Variants in TMEM123 observed in about 807,000 individuals in gnomAD.
TMEM123 encodes the protein porimin.
A neutral mutation model predicts 19.7 loss-of-function variants in TMEM123; 16 were observed. The ratio of observed to expected loss-of-function variants is 0.81; its 90% CI spans 0.55 to 1.23. The LOEUF is 1.23. Ranked by LOEUF, TMEM123 falls within the 50% of genes most tolerant of loss-of-function variation. The pLI, the probability that TMEM123 is intolerant of heterozygous loss-of-function variation, is 0.00. For synonymous variants in TMEM123, 118 were observed against 99.4 expected (o/e 1.19, Z -1.12); for missense variants, 313 against 257.8 (o/e 1.21, Z -1.47).
Position 102,401,858 on chromosome 11 carries a change from A to G in TMEM123, c.448+58T>C, listed in dbSNP as rs1441916008. 7 of 1,571,270 alleles carry G rather than the reference A, an allele frequency of 4.5e-6. No homozygotes were observed. The East Asian group carries it at 1.6e-4, about 35-fold the overall frequency. ...TTTTTGCCAGACAGAATAATGACTT[A>G]AATGTGGCATTTAACTACTTGCAGC... is the stretch of plus-strand genomic sequence containing the variant. On this transcript the variant is annotated intron_variant, in intron 3 of 4. Coordinates refer to ENST00000398136, the MANE Select transcript of TMEM123 (RefSeq NM_052932.3).
intron 1 of TMEM123, among the ~76,000 whole-genome samples, chr11:102,450,946 T>A (rs1857932307): frequency 6.6e-6 from 1 of 152,246 alleles, no homozygotes; most frequent in Non-Finnish European, 1.5e-5. Flanking sequence ...ACTAGCTTTT[T>A]TGAGAAATCT....
intron 2 of TMEM123, among the ~76,000 whole-genome samples, chr11:102,422,044 T>C (rs555460924): frequency 1.3e-5 from 2 of 152,364 alleles, no homozygotes; most frequent in Admixed American, 1.3e-4. Context: ...AAAATCTACC[T>C]GAATTCTAGA....
At chr11:102,425,284 T>TGA (rs773140543) in intron 2 of TMEM123, among the ~76,000 whole-genome samples, 20 of 152,202 alleles carry the variant, frequency 1.3e-4, no homozygotes, top group Non-Finnish European at 2.4e-4. Context: ...TGAAACACCT[T>TGA]GAACAACAAC....
intron 2 of TMEM123, among the ~76,000 whole-genome samples, chr11:102,413,467 G>C (rs1952020891): frequency 6.6e-6 from 1 of 152,178 alleles, no homozygotes; most frequent in African/African-American, 2.4e-5. Flanking sequence ...AAGTGCTTTT[G>C]CTGGCACCCC....
In TMEM123 at chr11:102,401,618, AT is replaced by A; in HGVS notation, c.522del (p.Leu175Ter). The A allele has an allele frequency of 1.2e-6, 2 of 1,608,746 alleles. No homozygotes were observed. The highest frequency in any genetic ancestry group is 1.7e-6 in the Non-Finnish European group (2 of 1,178,756). ...FDTGSFVGGI[V>X]LTLGVLSILY... ...AGAATAGATAAAACTCCCAGCGTTA[AT>A]ACAATACCACCAACAAAGCTCCCAG... On this transcript the variant is annotated frameshift_variant, in exon 4 of 5. Transcript: ENST00000398136. LOFTEE classifies it high-confidence loss of function.
chr11:102,437,036 G>C (rs1055146625), intron 2 of TMEM123, among the ~76,000 whole-genome samples: 2 of 152,028 alleles, frequency 1.3e-5, no homozygotes, highest in Non-Finnish European at 2.9e-5. Context: ...TTCTTGAAAA[G>C]GAAAAAAACC....
At chr11:102,410,170 T>C (rs1245770942) in intron 2 of TMEM123, among the ~76,000 whole-genome samples, 1 of 151,896 alleles carries the variant, frequency 6.6e-6, no homozygotes, top group Non-Finnish European at 1.5e-5. Context: ...AGGATGTTTG[T>C]TTCCTCTGGC....
intron 2 of TMEM123, among the ~76,000 whole-genome samples, chr11:102,445,347 CTA>C (rs1268628266): frequency 2.6e-5 from 4 of 152,164 alleles, no homozygotes; most frequent in Non-Finnish European, 5.9e-5. Flanking sequence ...CTCTGTGTAT[CTA>C]TCACTGTTTG....
intron 2 of TMEM123, among the ~76,000 whole-genome samples, chr11:102,431,162 G>T (rs1376368040): frequency 6.6e-6 from 1 of 151,840 alleles, no homozygotes; most frequent in Non-Finnish European, 1.5e-5. Flanking sequence ...AATAGTCGGT[G>T]GGATACTTAA....
chr11:102,411,298 G>A (rs751015465), intron 2 of TMEM123, among the ~76,000 whole-genome samples: 17 of 152,118 alleles, frequency 1.1e-4, no homozygotes, highest in Non-Finnish European at 1.6e-4. Flanking sequence ...GTGCTGAGAC[G>A]GCGGTGTTCC....
intron 2 of TMEM123, among the ~76,000 whole-genome samples, chr11:102,418,697 T>G (rs1316250851): frequency 6.6e-6 from 1 of 152,176 alleles, no homozygotes; most frequent in Non-Finnish European, 1.5e-5. Context: ...TAAAGACACA[T>G]GCACACATAC....
chr11:102,442,699 A>C (rs1303166982), intron 2 of TMEM123, among the ~76,000 whole-genome samples: 1 of 152,234 alleles, frequency 6.6e-6, no homozygotes, highest in East Asian at 1.9e-4. Context: ...TGGCCAGGGC[A>C]ATCAGGCAGG....
At chr11:102,417,693 A>G (rs1952052972) in intron 2 of TMEM123, among the ~76,000 whole-genome samples, 2 of 152,316 alleles carry the variant, frequency 1.3e-5, no homozygotes, top group African/African-American at 4.8e-5. Flanking sequence ...AAGCAATCCT[A>G]AGCAAAAAGA....
At position 102,398,518 on chromosome 11, in the gene TMEM123, T is replaced by C; in HGVS notation, c.*349A>G. 2.4e-6 allele frequency: 1 copy of C among 421,818 alleles called. No homozygotes were observed. The highest frequency in any genetic ancestry group is 4.4e-5 in the Admixed American group (1 of 22,880). 26.1% of individuals were successfully genotyped at this position (421,818 alleles called of 1,614,324 possible). A position where few individuals can be genotyped will look rare whatever the true frequency, so the allele number is the denominator to read the frequency against. On this transcript the variant is annotated 3_prime_UTR_variant, in exon 5 of 5. Coordinates refer to ENST00000398136, the MANE Select transcript of TMEM123 (RefSeq NM_052932.3). Reference sequence around the variant, plus strand: ...TGCTGTGACAAACTTCTTATTTGTATGCCCAGATGGCATTCTGTCTTTCAG... The same window carrying C: ...TGCTGTGACAAACTTCTTATTTGTACGCCCAGATGGCATTCTGTCTTTCAG...
chr11:102,425,097 C>T (rs150067160), intron 2 of TMEM123, among the ~76,000 whole-genome samples: 1 of 152,300 alleles, frequency 6.6e-6, no homozygotes, highest in African/African-American at 2.4e-5. Context: ...CAATCAAATA[C>T]TTGTGATCTC....
intron 2 of TMEM123, among the ~76,000 whole-genome samples, chr11:102,421,423 A>G (rs929763532): frequency 6.6e-6 from 1 of 152,294 alleles, no homozygotes; most frequent in East Asian, 1.9e-4. Flanking sequence ...TTTATGGTCT[A>G]AACACGGGGA....
At chr11:102,443,491 A>G (rs987279482) in intron 2 of TMEM123, among the ~76,000 whole-genome samples, 5 of 152,224 alleles carry the variant, frequency 3.3e-5, no homozygotes, top group African/African-American at 1.2e-4. Flanking sequence ...CTGGCTAGCC[A>G]TATGTAGAAA....
At chr11:102,418,452 A>C (rs1261435272) in intron 2 of TMEM123, among the ~76,000 whole-genome samples, 1 of 152,234 alleles carries the variant, frequency 6.6e-6, no homozygotes, top group Non-Finnish European at 1.5e-5. Context: ...AGAAATGCAA[A>C]TCAAACCACA....
chr11:102,417,871 TA>T (rs537663782), intron 2 of TMEM123, among the ~76,000 whole-genome samples: 47 of 146,004 alleles, frequency 3.2e-4, no homozygotes, highest in African/African-American at 5.0e-4. Context: ...TGATAAAGTT[TA>T]AAAAAAAAAA....
Sources: gnomAD v4.1 joint callset for allele counts (sites outside exome capture counted in the v4.1 genomes callset) on GRCh38, gnomAD v4.1.1 for gene constraint, MANE v1.5 for transcripts, NCBI Gene and HGNC (gene_info 2026-07-23, HGNC 2026-07-21) for gene names.